TECTB: variants seen among roughly 807,000 people sequenced by gnomAD.
The protein encoded by TECTB is tectorin beta.
TECTB carries 45 observed loss-of-function variants against 43.3 expected under a neutral mutation model. The observed-to-expected ratio is 1.04, with a 90% CI of 0.82 to 1.33. The LOEUF is 1.33. TECTB is among the 40% of genes most tolerant of loss of function. The pLI, the probability that TECTB is intolerant of heterozygous loss-of-function variation, is 0.00. For missense variants in TECTB, 399 were observed against 404.7 expected (o/e 0.99, Z 0.12); for synonymous variants, 169 against 156.7 (o/e 1.08, Z -0.59).
At chr10:112,297,579 T>C (rs971324840) in intron 7 of TECTB, among the ~76,000 whole-genome samples, 1 of 152,184 alleles carries the variant, frequency 6.6e-6, no homozygotes, top group Non-Finnish European at 1.5e-5. Context: ...TATGTAGATA[T>C]ATATAATTTA....
At position 112,301,193 on chromosome 10, in the gene TECTB, C is replaced by T. The variant is rs189203704; in HGVS notation, c.908-908C>T. On this transcript the variant is annotated intron_variant, in intron 9 of 10. Coordinates refer to ENST00000646139, the MANE Select transcript of TECTB (RefSeq NM_058222.3). The stretch of plus-strand genomic sequence containing the variant: ...ATTCCAGCACTTTGGGAGGCCAAGG[C>T]GGGCAGATCACCTGAGGTCAGGAGT... Among the ~76,000 whole-genome samples, 649 of 152,244 alleles carry T rather than the reference C, an allele frequency of 4.3e-3. 3 individuals are homozygous for T. Among genetic ancestry groups the T allele is most frequent in the African/African-American group, 0.013 (523 of 41,538 alleles).
chr10:112,296,303 T>G (rs572214801), intron 7 of TECTB, among the ~76,000 whole-genome samples: 25 of 152,282 alleles, frequency 1.6e-4, no homozygotes, highest in South Asian at 4.1e-4. Context: ...AGGAGGCTCA[T>G]GCAGAGAGGG....
At position 112,299,445 on chromosome 10, in the gene TECTB, A is replaced by C. The variant is rs369384443; in HGVS notation, c.835-47A>C. ...CTTTTCTCCCCTTTGCTCACGCATCATCCCACCTTCCCCGCTTCTCTCCTG... is the reference window on the plus strand; with the variant it reads ...CTTTTCTCCCCTTTGCTCACGCATCCTCCCACCTTCCCCGCTTCTCTCCTG... On this transcript the variant is annotated intron_variant, in intron 8 of 10. Transcript: ENST00000646139. The C allele has an allele frequency of 3.6e-5, 58 of 1,594,388 alleles. No individual in the cohort carries two copies. The African/African-American group carries it at 7.7e-4, about 21-fold the overall frequency.
chr10:112,301,302 G>T (rs903697110), intron 9 of TECTB, among the ~76,000 whole-genome samples: 1 of 151,922 alleles, frequency 6.6e-6, no homozygotes, highest in Non-Finnish European at 1.5e-5. Context: ...CAGTACTTGG[G>T]AGGCTGAGGC....
intron 10 of TECTB, 129 bp from the exon 11 acceptor site, chr10:112,303,134 G>A: frequency 9.0e-7 from 1 of 1,109,778 alleles, no homozygotes; most frequent in Non-Finnish European, 1.4e-6. Context: ...CCCAAGGGAT[G>A]AACAAAATCG....
At chr10:112,290,884 C>G (rs17129701) in intron 5 of TECTB, among the ~76,000 whole-genome samples, 1 of 152,100 alleles carries the variant, frequency 6.6e-6, no homozygotes, top group Non-Finnish European at 1.5e-5. Context: ...GACTTGCCAT[C>G]AGTAAAATAA....
chr10:112,297,034 T>G (rs1848553766), intron 7 of TECTB, among the ~76,000 whole-genome samples: 1 of 152,198 alleles, frequency 6.6e-6, no homozygotes, highest in Admixed American at 6.6e-5. Flanking sequence ...CCAAGAATGG[T>G]TGCGTCTGTT....
At chr10:112,301,364 G>A (rs111269145) in intron 9 of TECTB, among the ~76,000 whole-genome samples, 90 of 149,554 alleles carry the variant, frequency 6.0e-4, no homozygotes, top group African/African-American at 1.8e-3. Flanking sequence ...CAGAGATCAC[G>A]CTACTACACT....
chr10:112,302,363 C>T, intron 10 of TECTB: 1 of 466,058 alleles, frequency 2.1e-6, no homozygotes, highest in Non-Finnish European at 3.7e-6. Context: ...TGAAGCAGAA[C>T]TGGACCTCAC....
chr10:112,292,090 C>T (rs574841706), intron 5 of TECTB, among the ~76,000 whole-genome samples: 5 of 150,710 alleles, frequency 3.3e-5, no homozygotes, highest in South Asian at 2.1e-4. Context: ...GAGCCGAGAT[C>T]GCGCCACTGC....
At chr10:112,302,271 C>A in intron 10 of TECTB, 138 bp downstream of exon 10, 6 of 1,017,096 alleles carry the variant, frequency 5.9e-6, no homozygotes, top group Non-Finnish European at 8.7e-6. Context: ...ACCTGAGTGG[C>A]GCAGAGGGGG....
At chr10:112,283,840 G>A (rs370587638) in intron 2 of TECTB, 30 bp downstream of exon 2, 1 of 1,608,306 alleles carries the variant, frequency 6.2e-7, no homozygotes, top group African/African-American at 1.3e-5. Flanking sequence ...ATTTTCCTGG[G>A]ACGAAAAGTT....
chr10:112,294,276 T>A (rs1164284367), intron 7 of TECTB, among the ~76,000 whole-genome samples: 1 of 152,222 alleles, frequency 6.6e-6, no homozygotes, highest in Non-Finnish European at 1.5e-5. Context: ...TTACCTTATA[T>A]TAACTCCTTT....
rs1361886301 is a variant in TECTB, at chr10:112,283,699, T to C, written c.-36T>C. 3 of 1,610,232 alleles carry C rather than the reference T, an allele frequency of 1.9e-6. No individual in the cohort carries two copies. The highest frequency in any genetic ancestry group is 4.5e-5 in the East Asian group (2 of 44,804). ...GACCGTAAACATTTGGCCAGCTTGG[T>C]TTGGATACCTGGCAGAGACCAGGTT... is the stretch of plus-strand genomic sequence containing the variant. On this transcript the variant is annotated 5_prime_UTR_variant, in exon 2 of 11. Transcript: ENST00000646139.
chr10:112,298,281 T>C (rs750736725), intron 8 of TECTB, 50 bp downstream of exon 8: 3 of 1,572,796 alleles, frequency 1.9e-6, no homozygotes, highest in African/African-American at 2.7e-5. Flanking sequence ...GGTGCCAGTA[T>C]TGGAGGAGCT....
chr10:112,291,441 C>T (rs185926805), intron 5 of TECTB, among the ~76,000 whole-genome samples: 2 of 152,330 alleles, frequency 1.3e-5, no homozygotes, highest in Non-Finnish European at 2.9e-5. Flanking sequence ...CACATGCATG[C>T]ATATGTTCAT....
intron 3 of TECTB, 70 bp downstream of exon 3, chr10:112,284,795 C>A: frequency 7.5e-7 from 1 of 1,325,004 alleles, no homozygotes; most frequent in Non-Finnish European, 1.0e-6. Flanking sequence ...AGATGTCTGC[C>A]ATCTGTCCTT....
rs148150999 is a variant in TECTB at position 112,293,787 on chromosome 10, C to A, written c.533C>A (p.Ser178Tyr). 5.6e-6 allele frequency: 9 copies of A among 1,613,988 alleles called. No individual in the cohort carries two copies. The Admixed American group carries it at 1.3e-4, about 24-fold the overall frequency. Residue 178 changes from serine (S) to tyrosine (Y), a missense_variant, in exon 6 of 11, where the codon TCC becomes TAC. Physicochemically the swap from Ser to Tyr is moderately radical, Grantham distance 144. Transcript: ENST00000646139. ...GAAGCTCCCTTTGTCCTGGAGGCATCCGAAATCGGTTCAGATCTGTTTGCA... is the reference window on the plus strand; with the variant it reads ...GAAGCTCCCTTTGTCCTGGAGGCATACGAAATCGGTTCAGATCTGTTTGCA... ...KKEAPFVLEA[S>Y]EIGSDLFAGV...
Position 112,286,317 on chromosome 10 carries a change from A to G in TECTB, c.411-2A>G. On this transcript the variant is annotated splice_acceptor_variant, in intron 4 of 10. Coordinates refer to ENST00000646139, the MANE Select transcript of TECTB (RefSeq NM_058222.3). LOFTEE classifies it high-confidence loss of function. Reference sequence around the variant, plus strand: ...TTATGCAAAATTCTCTCCCCTTTTCAGAGTGGCCACTGTTCACGTGAAGAA... The same window carrying G: ...TTATGCAAAATTCTCTCCCCTTTTCGGAGTGGCCACTGTTCACGTGAAGAA... The G allele has an allele frequency of 5.0e-6, 8 of 1,611,850 alleles. No homozygotes were observed. Among genetic ancestry groups the G allele is most frequent in the Non-Finnish European group, 6.8e-6 (8 of 1,178,094 alleles).
Sources: gnomAD v4.1 joint callset for allele counts (sites outside exome capture counted in the v4.1 genomes callset) on GRCh38, gnomAD v4.1.1 for gene constraint, MANE v1.5 for transcripts, NCBI Gene and HGNC (gene_info 2026-07-23, HGNC 2026-07-21) for gene names.